NIPBL: variants seen among roughly 807,000 people sequenced by gnomAD.
NIPBL encodes NIPBL cohesin loading factor.
Under a neutral mutation model 321.8 loss-of-function variants are expected in NIPBL, and 19 were observed. The ratio of observed to expected loss-of-function variants is 0.06; its 90% CI spans 0.04 to 0.09. The LOEUF (loss-of-function observed/expected upper bound fraction) is 0.09, where lower values mean the gene tolerates loss of function less well. Among genes scored for constraint, NIPBL ranks in the 10% least tolerant of loss-of-function variants. The pLI, the probability that NIPBL is intolerant of heterozygous loss-of-function variation, is 1.00. For synonymous variants in NIPBL, 1,106 were observed against 1,114.1 expected (o/e 0.99, Z 0.14); for missense variants, 2,210 against 3,327.0 (o/e 0.66, Z 8.26).
chr5:36,941,723 A>T (rs1739082239), intron 1 of NIPBL, among the ~76,000 whole-genome samples: 1 of 152,116 alleles, frequency 6.6e-6, no homozygotes, highest in Non-Finnish European at 1.5e-5. Context: ...CAGTAAGTTT[A>T]CTTTTGTGGA....
intron 1 of NIPBL, among the ~76,000 whole-genome samples, chr5:36,910,928 A>G (rs1580206748): frequency 6.6e-6 from 1 of 152,242 alleles, no homozygotes; most frequent in Admixed American, 6.5e-5. Flanking sequence ...ATTCTGAATG[A>G]GTAAGCATGT....
At position 37,064,096 on chromosome 5, in the gene NIPBL, A is replaced by G. The variant is rs1579630260; in HGVS notation, c.8049+118A>G. 3 of 1,470,994 alleles carry G rather than the reference A, an allele frequency of 2.0e-6. No individual in the cohort carries two copies. The East Asian group carries it at 7.4e-5, about 36-fold the overall frequency. The allele number at this position is 1,470,994 out of a possible 1,614,324, so 91.1% of individuals were successfully genotyped here. A position where few individuals can be genotyped will look rare whatever the true frequency, so the allele number is the denominator to read the frequency against. ...AGTAATGTAATACTTAAAAGAGAAAACATTTTGTAGATAGAGATTCTCTAC... is the reference window on the plus strand; with the variant it reads ...AGTAATGTAATACTTAAAAGAGAAAGCATTTTGTAGATAGAGATTCTCTAC... On this transcript the variant is annotated intron_variant, in intron 46 of 46. Coordinates refer to ENST00000282516, the MANE Select transcript of NIPBL (RefSeq NM_133433.4).
At chr5:36,990,032 T>C (rs945168818) in intron 10 of NIPBL, among the ~76,000 whole-genome samples, 2 of 151,998 alleles carry the variant, frequency 1.3e-5, no homozygotes, top group Admixed American at 1.3e-4. Flanking sequence ...CCCCTACTTC[T>C]TTCCAACTAG....
intron 33 of NIPBL, among the ~76,000 whole-genome samples, chr5:37,037,029 A>G (rs1471086142): frequency 1.3e-5 from 2 of 152,042 alleles, no homozygotes; most frequent in Admixed American, 1.3e-4. Context: ...ATATTATCTC[A>G]CATTATTTAC....
intron 1 of NIPBL, among the ~76,000 whole-genome samples, chr5:36,918,233 C>T (rs1400253883): frequency 3.3e-5 from 5 of 152,064 alleles, no homozygotes; most frequent in African/African-American, 1.2e-4. Flanking sequence ...TTGAAGAGGT[C>T]CTTCACATCC....
chr5:36,971,074 C>G (rs560490374), intron 7 of NIPBL, 38 bp downstream of exon 7: 1 of 1,546,772 alleles, frequency 6.5e-7, no homozygotes, highest in South Asian at 1.1e-5. Flanking sequence ...TAAAATAGTT[C>G]TAATATTTGT....
chr5:36,915,446 A>T (rs139180413), intron 1 of NIPBL, among the ~76,000 whole-genome samples: 5 of 152,248 alleles, frequency 3.3e-5, no homozygotes, highest in African/African-American at 7.2e-5. Flanking sequence ...TTATTGAATT[A>T]GGTAAATTGT....
chr5:37,024,058 G>A (rs1387459738), intron 29 of NIPBL, among the ~76,000 whole-genome samples: 2 of 151,740 alleles, frequency 1.3e-5, no homozygotes, highest in East Asian at 1.9e-4. Context: ...CCAGCTACTC[G>A]GGAGGCTGAG....
chr5:36,987,159 C>T (rs1744915633), intron 10 of NIPBL, among the ~76,000 whole-genome samples: 1 of 152,074 alleles, frequency 6.6e-6, no homozygotes, highest in Non-Finnish European at 1.5e-5. Flanking sequence ...GGATTACAGG[C>T]GTGAGCCACC....
At chr5:36,999,081 T>G (rs1746487732) in intron 11 of NIPBL, among the ~76,000 whole-genome samples, 1 of 152,148 alleles carries the variant, frequency 6.6e-6, no homozygotes, top group African/African-American at 2.4e-5. Context: ...CAACCTAGAT[T>G]CTTGAACAGG....
intron 1 of NIPBL, among the ~76,000 whole-genome samples, chr5:36,895,905 A>T (rs1197725699): frequency 6.6e-6 from 1 of 151,992 alleles, no homozygotes; most frequent in Non-Finnish European, 1.5e-5. Flanking sequence ...CATTCTGTGG[A>T]TTGTCTTTTC....
intron 42 of NIPBL, among the ~76,000 whole-genome samples, chr5:37,054,912 C>CA (rs60354049): frequency 1.8e-3 from 248 of 137,918 alleles, no homozygotes; most frequent in African/African-American, 3.7e-3. Flanking sequence ...CTGTAGATGG[C>CA]AAAAAAAAAA....
At chr5:37,064,319 C>T (rs949815883) in intron 46 of NIPBL, 95 of 1,423,552 alleles carry the variant, frequency 6.7e-5, no homozygotes, top group Non-Finnish European at 8.1e-5. Flanking sequence ...AGTAAAGACA[C>T]GGGTACAAAT....
intron 1 of NIPBL, among the ~76,000 whole-genome samples, chr5:36,899,736 T>C (rs1489709811): frequency 1.3e-5 from 2 of 152,228 alleles, no homozygotes; most frequent in South Asian, 2.1e-4. Context: ...CTTAAGTACA[T>C]GTATATACAC....
chr5:36,898,920 G>T (rs1157165756), intron 1 of NIPBL, among the ~76,000 whole-genome samples: 1 of 152,104 alleles, frequency 6.6e-6, no homozygotes, highest in Admixed American at 6.5e-5. Context: ...TTCCTAGGTG[G>T]ATTATATAAT....
intron 1 of NIPBL, among the ~76,000 whole-genome samples, chr5:36,928,998 G>A (rs965628955): frequency 1.3e-5 from 2 of 152,020 alleles, no homozygotes; most frequent in African/African-American, 4.8e-5. Flanking sequence ...GTAGACATAC[G>A]TTTTTATTTA....
chr5:37,043,258 A>G (rs1170273817), intron 34 of NIPBL, among the ~76,000 whole-genome samples: 1 of 151,830 alleles, frequency 6.6e-6, no homozygotes, highest in Admixed American at 6.6e-5. Context: ...GGCCGGACGC[A>G]GTTTCTCACA....
intron 1 of NIPBL, chr5:36,886,561 G>T: frequency 3.2e-6 from 2 of 628,536 alleles, no homozygotes; most frequent in South Asian, 3.4e-5. Flanking sequence ...AGGTCATTGG[G>T]GGAAAATAGG....
chr5:37,041,426 G>A (rs1752357660), intron 34 of NIPBL, among the ~76,000 whole-genome samples: 1 of 151,370 alleles, frequency 6.6e-6, no homozygotes, highest in Non-Finnish European at 1.5e-5. Flanking sequence ...ACCACACCTG[G>A]CTAATTTTTT....
Sources: allele counts gnomAD v4.1 joint callset (sites outside exome capture counted in the v4.1 genomes callset), GRCh38; gene constraint gnomAD v4.1.1; transcripts MANE v1.5; gene names NCBI Gene and HGNC (gene_info 2026-07-23, HGNC 2026-07-21).